Variants in TPCN1 observed in about 807,000 individuals in gnomAD.
The protein encoded by TPCN1 is two pore segment channel 1, also known as two pore channel protein 1.
Under a neutral mutation model 108.8 loss-of-function variants are expected in TPCN1, and 52 were observed. The ratio of observed to expected loss-of-function variants is 0.48; its 90% confidence interval spans 0.38 to 0.60. The LOEUF (loss-of-function observed/expected upper bound fraction) is 0.60. Among genes scored for constraint, TPCN1 ranks in the 20% least tolerant of loss-of-function variants. The pLI is 0.00. For synonymous variants in TPCN1, 446 were observed against 433.7 expected, an observed-to-expected ratio of 1.03 and a Z score of -0.35; for missense variants, 806 against 1,072.8, an observed-to-expected ratio of 0.75 and a Z score of 3.47.
intron 12 of TPCN1, among the ~76,000 whole-genome samples, chr12:113,277,783 A>G (rs1053163953): frequency 2.6e-5 from 4 of 152,106 alleles, no homozygotes; most frequent in Non-Finnish European, 5.9e-5. Flanking sequence ...TTGATGACCA[A>G]GCCCTGTCCA....
intron 13 of TPCN1, 82 bp downstream of exon 13, chr12:113,278,319 T>G (rs1955743000): frequency 8.1e-7 from 1 of 1,234,768 alleles, no homozygotes; most frequent in Non-Finnish European, 1.2e-6. Flanking sequence ...CACCCCGAGA[T>G]CCAGCTCTCT....
At chr12:113,279,355 GTGTGTATATA>G (rs1232305934) in intron 14 of TPCN1, among the ~76,000 whole-genome samples, 1 of 65,788 alleles carries the variant, frequency 1.5e-5, no homozygotes, top group African/African-American at 7.3e-5. Context: ...ATGTGTGTGT[GTGTGTATATA>G]TATATATATA....
At position 113,292,836 on chromosome 12, in the gene TPCN1, T is replaced by C; in HGVS notation, c.2114-98T>C. ...CAGTGTCGGTTTAGAGAGAGAACCT[T>C]AAGACCCCCTGCGGAAGGGGGCAAG... is the stretch of plus-strand genomic sequence containing the variant. On this transcript the variant is annotated intron_variant, in intron 25 of 27. Coordinates refer to ENST00000335509, the MANE Select transcript of TPCN1 (RefSeq NM_017901.6). 3 of 1,403,004 alleles carry C rather than the reference T, an allele frequency of 2.1e-6. No homozygotes were observed. The South Asian group carries it at 4.1e-5, about 19-fold the overall frequency. 86.9% of individuals were successfully genotyped at this position (1,403,004 alleles called of 1,614,324 possible).
chr12:113,286,462 A>T (rs1956086633), intron 18 of TPCN1, among the ~76,000 whole-genome samples: 1 of 130,342 alleles, frequency 7.7e-6, no homozygotes, highest in Non-Finnish European at 1.7e-5. Context: ...CGGAGTTGGG[A>T]GGAGCCGACA....
intron 23 of TPCN1, 103 bp from the exon 24 acceptor site, chr12:113,291,506 C>A: frequency 1.0e-6 from 1 of 959,820 alleles, no homozygotes; most frequent in Non-Finnish European, 1.6e-6. Context: ...AGCCACAAAT[C>A]ACGGTGGGGT....
In TPCN1 at chr12:113,221,465, A is replaced by G. The variant is rs1953215815; in HGVS notation, c.-287A>G. On this transcript the variant is annotated 5_prime_UTR_variant, in exon 1 of 28. Transcript: ENST00000335509. The stretch of plus-strand genomic sequence containing the variant: ...GAGGACGGTAGGCGGTGGATAGGAG[A>G]GCTGGCGCAGCTGCCCTGGTGGCAG... The G allele has an allele frequency of 3.0e-6, 1 of 335,824 alleles. No homozygotes were observed. Among genetic ancestry groups the G allele is most frequent in the African/African-American group, 2.2e-5 (1 of 46,302 alleles). 20.8% of individuals were successfully genotyped at this position (335,824 alleles called of 1,614,324 possible). A position where few individuals can be genotyped will look rare whatever the true frequency, so the allele number is the denominator to read the frequency against.
chr12:113,222,489 C>G (rs988041962), intron 1 of TPCN1, among the ~76,000 whole-genome samples: 3 of 152,196 alleles, frequency 2.0e-5, no homozygotes, highest in African/African-American at 7.2e-5. Context: ...CACCCACCAG[C>G]AATCCCCCCA....
chr12:113,287,857 AGCAAGGCCTT>A (rs1422045847), intron 19 of TPCN1, among the ~76,000 whole-genome samples: 1 of 152,108 alleles, frequency 6.6e-6, no homozygotes, highest in Admixed American at 6.5e-5. Context: ...CTTTCCCAGG[AGCAAGGCCTT>A]GCTCCTGTCT....
In TPCN1 at chr12:113,284,697, T is replaced by C. The variant is rs753269232; in HGVS notation, c.1400-21T>C. Reference sequence around the variant, plus strand: ...CGGCACACCTGGCTTACCTGTGAGCTGCTACTTCTCTGTCTTACAGGTGGG... The same window carrying C: ...CGGCACACCTGGCTTACCTGTGAGCCGCTACTTCTCTGTCTTACAGGTGGG... On this transcript the variant is annotated intron_variant, in intron 16 of 27. Coordinates refer to ENST00000335509, the MANE Select transcript of TPCN1 (RefSeq NM_017901.6). This position sits in a 1 kb window ranked among gnomAD's most constrained non-coding sequence, Gnocchi z 4.1. The C allele has an allele frequency of 3.1e-6, 5 of 1,614,254 alleles. No homozygotes were observed. The highest frequency in any genetic ancestry group is 4.2e-6 in the Non-Finnish European group (5 of 1,180,036).
chr12:113,255,142 C>T (rs969949679), intron 2 of TPCN1, among the ~76,000 whole-genome samples: 13 of 152,144 alleles, frequency 8.5e-5, no homozygotes, highest in Non-Finnish European at 2.9e-5. Context: ...TGTATAGAAA[C>T]GCCCATGACA....
At chr12:113,278,637 C>T in intron 13 of TPCN1, 135 bp from the exon 14 acceptor site, 1 of 691,404 alleles carries the variant, frequency 1.4e-6, no homozygotes, top group Non-Finnish European at 2.5e-6. Context: ...GCTGTGTTGT[C>T]ATGTAGATCC....
rs1956009167 is a variant in TPCN1 at position 113,284,732 on chromosome 12, T to C, written c.1414T>C (p.Ser472Pro). Reference sequence around the variant, plus strand: ...CTGTCTTACAGGTGGGAACTTCTTCTCCAAGCACGTGCCCTGGAGTTACCT... The same window carrying C: ...CTGTCTTACAGGTGGGAACTTCTTCCCCAAGCACGTGCCCTGGAGTTACCT... ...TFMLKGGNFF[S>P]KHVPWSYLVF... Residue 472 changes from serine to proline, a missense_variant, in exon 17 of 28, where the codon TCC becomes CCC. Physicochemically the swap from Ser to Pro is moderately conservative, Grantham distance 74. Transcript: ENST00000335509. The surrounding 1 kb of genome is among the most constrained non-coding windows in gnomAD (Gnocchi z 4.1). 1 of 1,614,120 alleles carries C rather than the reference T, an allele frequency of 6.2e-7. No individual in the cohort carries two copies. The highest frequency in any genetic ancestry group is 8.5e-7 in the Non-Finnish European group (1 of 1,180,046).
intron 2 of TPCN1, among the ~76,000 whole-genome samples, chr12:113,227,451 A>G (rs1953515394): frequency 6.6e-6 from 1 of 152,168 alleles, no homozygotes; most frequent in African/African-American, 2.4e-5. Flanking sequence ...GTGTTTTGTC[A>G]TGATCCATTG....
chr12:113,293,222 G>T, intron 26 of TPCN1, 47 bp from the exon 27 acceptor site: 1 of 1,609,300 alleles, frequency 6.2e-7, no homozygotes, highest in South Asian at 1.1e-5. Flanking sequence ...CCAGGGGTGG[G>T]ACCTGAATAT....
chr12:113,288,468 G>A lies in TPCN1; in HGVS notation c.1706+234G>A, dbSNP rs903809121. On this transcript the variant is annotated intron_variant, in intron 20 of 27. Coordinates refer to ENST00000335509, the MANE Select transcript of TPCN1 (RefSeq NM_017901.6). The surrounding 1 kb of genome is among the most constrained non-coding windows in gnomAD (Gnocchi z 4.8). ...AGGGAGGGCAGGGAGCTGTCAACTCGCTTACCACCTGTGTCTACATTCACA... is the reference window on the plus strand; with the variant it reads ...AGGGAGGGCAGGGAGCTGTCAACTCACTTACCACCTGTGTCTACATTCACA... 29 of 1,497,660 alleles carry A rather than the reference G, an allele frequency of 1.9e-5. No homozygotes were observed. The East Asian group carries it at 2.0e-4, about 10-fold the overall frequency. The allele number at this position is 1,497,660 out of a possible 1,614,324, so 92.8% of individuals were successfully genotyped here. A position where few individuals can be genotyped will look rare whatever the true frequency, so the allele number is the denominator to read the frequency against.
intron 1 of TPCN1, 24 bp from the exon 2 acceptor site, chr12:113,226,703 TA>T (rs1707902880): frequency 6.7e-7 from 1 of 1,483,608 alleles, no homozygotes; most frequent in Non-Finnish European, 9.1e-7. Flanking sequence ...AATTATCTTT[TA>T]TTTTTTTAAT....
chr12:113,282,520 C>T (rs1399719494), intron 15 of TPCN1, among the ~76,000 whole-genome samples: 1 of 151,434 alleles, frequency 6.6e-6, no homozygotes, highest in Non-Finnish European at 1.5e-5. Flanking sequence ...GAGGCCGAGG[C>T]GGGTGGATCA....
chr12:113,251,541 G>A (rs1954634639), intron 2 of TPCN1, among the ~76,000 whole-genome samples: 1 of 152,210 alleles, frequency 6.6e-6, no homozygotes, highest in African/African-American at 2.4e-5. Flanking sequence ...GTGGTCTGTG[G>A]CCACGGGGCG....
At chr12:113,236,028 A>G (rs555409355) in intron 2 of TPCN1, among the ~76,000 whole-genome samples, 1 of 152,060 alleles carries the variant, frequency 6.6e-6, no homozygotes, top group African/African-American at 2.4e-5. Context: ...CCTTGCCTGC[A>G]CTCCTAGAGC....
Sources: gnomAD v4.1 joint callset for allele counts (sites outside exome capture counted in the v4.1 genomes callset) on GRCh38, gnomAD v4.1.1 for gene constraint, Gnocchi (gnomAD v3.1) non-coding constraint, MANE v1.5 for transcripts, NCBI Gene and HGNC (gene_info 2026-07-23, HGNC 2026-07-21) for gene names.